VSTM2L: variants seen among roughly 807,000 people sequenced by gnomAD.
VSTM2L encodes the protein V-set and transmembrane domain-containing protein 2-like protein.
In VSTM2L, 9 loss-of-function variants were observed where a neutral mutation model predicts 19.9. The observed-to-expected ratio is 0.45, with a 90% CI of 0.27 to 0.79. The LOEUF is 0.79. Among genes scored for constraint, VSTM2L ranks in the 30% least tolerant of loss-of-function variants. The pLI is 0.15. For missense variants in VSTM2L, 286 were observed against 295.5 expected, an observed-to-expected ratio of 0.97 and a Z score of 0.24; for synonymous variants, 127 against 133.8, an observed-to-expected ratio of 0.95 and a Z score of 0.35.
chr20:37,907,407 G>A (rs2072756945), intron 1 of VSTM2L, among the ~76,000 whole-genome samples: 1 of 152,192 alleles, frequency 6.6e-6, no homozygotes, highest in South Asian at 2.1e-4. Flanking sequence ...GCATCTAGTG[G>A]AATCTGCATT....
intron 1 of VSTM2L, among the ~76,000 whole-genome samples, chr20:37,918,337 C>T (rs1045170499): frequency 2.0e-5 from 3 of 152,194 alleles, no homozygotes; most frequent in Non-Finnish European, 4.4e-5. Context: ...GCAGGACCTG[C>T]GTCCCAAGCC....
Position 37,944,153 on chromosome 20 carries a change from A to C in VSTM2L, c.515A>C (p.His172Pro). 1 of 1,593,696 alleles carries C rather than the reference A, an allele frequency of 6.3e-7. No homozygotes were observed. The highest frequency in any genetic ancestry group is 8.6e-7 in the Non-Finnish European group (1 of 1,169,486). Residue 172 changes from histidine to proline, a missense_variant, in exon 4 of 4, where the codon CAT becomes CCT. Coordinates refer to ENST00000373461, the MANE Select transcript of VSTM2L (RefSeq NM_080607.3). ...RVQPGENSVL[H>P]LPEAPPAAPA... is the part of the protein sequence containing the mutation. ...CAGCCAGGGGAGAACTCCGTCCTGC[A>C]TCTGCCCGAAGCCCCTCCCGCCGCG... is the stretch of plus-strand genomic sequence containing the variant.
intron 1 of VSTM2L, among the ~76,000 whole-genome samples, chr20:37,927,362 T>A (rs948270242): frequency 3.7e-4 from 57 of 152,352 alleles, no homozygotes; most frequent in African/African-American, 1.3e-3. Context: ...TGTTTTTTTT[T>A]ACTTTCCTTT....
intron 1 of VSTM2L, among the ~76,000 whole-genome samples, chr20:37,909,286 C>T (rs1023949777): frequency 7.9e-5 from 12 of 152,190 alleles, no homozygotes; most frequent in African/African-American, 2.7e-4. Context: ...GGCACAGGTG[C>T]CCACGTGAGA....
intron 1 of VSTM2L, among the ~76,000 whole-genome samples, chr20:37,913,827 G>A (rs979762530): frequency 5.3e-5 from 8 of 152,332 alleles, no homozygotes; most frequent in East Asian, 1.9e-4. Context: ...TCCAAGAATC[G>A]GCTCTGGAGT....
intron 1 of VSTM2L, 110 bp from the exon 2 acceptor site, chr20:37,931,521 CTCCA>C: frequency 2.5e-6 from 3 of 1,182,082 alleles, no homozygotes; most frequent in Non-Finnish European, 3.6e-6. Context: ...ACCCCACCCC[CTCCA>C]CCCATCCCCC....
chr20:37,943,908 A>AGGG, intron 3 of VSTM2L, 73 bp from the exon 4 acceptor site: 2 of 176,978 alleles, frequency 1.1e-5, no homozygotes, highest in East Asian at 1.2e-4. Context: ...CGATCTTGGG[A>AGGG]CCCCCCCCCC....
chr20:37,916,165 C>T (rs899991427), intron 1 of VSTM2L, among the ~76,000 whole-genome samples: 2 of 152,262 alleles, frequency 1.3e-5, no homozygotes, highest in Non-Finnish European at 2.9e-5. Flanking sequence ...CCGCTCCAGC[C>T]TCTCTGAGCC....
rs745434952 is a variant in VSTM2L, at chr20:37,931,650, C to T, written c.137C>T (p.Thr46Ile). The T allele has an allele frequency of 1.2e-6, 2 of 1,612,910 alleles. No individual in the cohort carries two copies. The highest frequency in any genetic ancestry group is 3.3e-5 in the Admixed American group (2 of 60,010). The change falls in exon 2 of 4, where the codon ACA (threonine) becomes ATA (isoleucine). Residue 46 changes from threonine to isoleucine, a missense_variant. Thr to Ile is a moderately conservative substitution (Grantham distance 89). Transcript: ENST00000373461. ...HVSGHALFTE[T>I]PHDMTARTGE... ...TCTTGCACAGCCCTGTTCACAGAGACACCCCATGACATGACAGCACGGACG... is the reference window on the plus strand; with the variant it reads ...TCTTGCACAGCCCTGTTCACAGAGATACCCCATGACATGACAGCACGGACG...
At position 37,940,441 on chromosome 20, in the gene VSTM2L, T is replaced by C. The variant is rs6021972; in HGVS notation, c.343-3540T>C. On this transcript the variant is annotated intron_variant, in intron 3 of 3. Coordinates refer to ENST00000373461, the MANE Select transcript of VSTM2L (RefSeq NM_080607.3). ...GATGGGCAGCAGGGAAGGCTCAGCA[T>C]GAGGGAGGAAGATCAGGCTCCCTGC... Among the ~76,000 whole-genome samples the C allele has an allele frequency of 4.6e-5, 7 of 152,206 alleles. No homozygotes were observed. In the East Asian group the frequency reaches 5.8e-4, roughly 13 times the overall value.
intron 3 of VSTM2L, 70 bp from the exon 4 acceptor site, chr20:37,943,908 ACCC>A: frequency 1.4e-4 from 25 of 176,936 alleles, no homozygotes; most frequent in Non-Finnish European, 1.9e-4. Flanking sequence ...CGATCTTGGG[ACCC>A]CCCCCCCCGA....
At chr20:37,923,549 G>C (rs1367014965) in intron 1 of VSTM2L, among the ~76,000 whole-genome samples, 1 of 152,218 alleles carries the variant, frequency 6.6e-6, no homozygotes, top group East Asian at 1.9e-4. Context: ...CAGGCCCTGA[G>C]GCTGGAGAAG....
rs79301218 is a variant in VSTM2L, at chr20:37,919,521, C to T, written c.122-12114C>T. On this transcript the variant is annotated intron_variant, in intron 1 of 3. Transcript: ENST00000373461. ...ATTTTATGTCTCCTGATTTTAGAAG[C>T]CAGCTGAGATTTACAGGCGGTTGGG... Among the ~76,000 whole-genome samples the T allele has an allele frequency of 5.9e-4, 90 of 152,348 alleles. 1 individual carries two copies. In the East Asian group the frequency reaches 0.016, roughly 27 times the overall value.
At chr20:37,905,969 A>G (rs6013414) in intron 1 of VSTM2L, among the ~76,000 whole-genome samples, 41,708 of 149,126 alleles carry the variant, frequency 0.28, 7,996 homozygotes, top group African/African-American at 0.55. Flanking sequence ...GGGCCTGATC[A>G]TTTCATTATT....
At chr20:37,912,443 C>T (rs2072785360) in intron 1 of VSTM2L, among the ~76,000 whole-genome samples, 1 of 152,148 alleles carries the variant, frequency 6.6e-6, no homozygotes, top group Admixed American at 6.5e-5. Flanking sequence ...ATGTGTGAGA[C>T]CCTGTGTGTT....
Position 37,921,837 on chromosome 20 carries a change from C to CTTTTT in VSTM2L, c.122-9798_122-9797insTTTTT, listed in dbSNP as rs1568837638. ...CTTTCTCTCTTTCTTTCTTTCTTTT[C>CTTTTT]CTTTTTTTTTTTTTTTTTTTTTTGA... On this transcript the variant is annotated intron_variant, in intron 1 of 3. Coordinates refer to ENST00000373461, the MANE Select transcript of VSTM2L (RefSeq NM_080607.3). 3.4e-3 allele frequency among the ~76,000 whole-genome samples: 431 copies of CTTTTT among 126,434 alleles called. 3 individuals are homozygous for CTTTTT. Among genetic ancestry groups the CTTTTT allele is most frequent in the African/African-American group, 0.015 (407 of 27,872 alleles). The allele number at this position is 126,434 out of a possible 152,430, so 82.9% of individuals were successfully genotyped here.
At position 37,915,410 on chromosome 20, in the gene VSTM2L, T is replaced by C. The variant is rs2072812768; in HGVS notation, c.121+11939T>C. On this transcript the variant is annotated intron_variant, in intron 1 of 3. Coordinates refer to ENST00000373461, the MANE Select transcript of VSTM2L (RefSeq NM_080607.3). ...AGCCATGAATTCTCTGGTTCTAGAATAGCCCTAGGGTTTAATAAGTCCAAG... is the reference window on the plus strand; with the variant it reads ...AGCCATGAATTCTCTGGTTCTAGAACAGCCCTAGGGTTTAATAAGTCCAAG... Among the ~76,000 whole-genome samples the C allele has an allele frequency of 2.0e-5, 3 of 151,906 alleles. No individual in the cohort carries two copies. In the South Asian group the frequency reaches 6.2e-4, roughly 32 times the overall value.
chr20:37,904,941 C>T (rs531909243), intron 1 of VSTM2L, among the ~76,000 whole-genome samples: 86 of 152,236 alleles, frequency 5.6e-4, no homozygotes, highest in African/African-American at 1.9e-3. Flanking sequence ...TCATTTCTAC[C>T]GACCTGGCTA....
At chr20:37,939,666 G>A (rs1178382586) in intron 3 of VSTM2L, among the ~76,000 whole-genome samples, 1 of 152,116 alleles carries the variant, frequency 6.6e-6, no homozygotes, top group Non-Finnish European at 1.5e-5. Flanking sequence ...AAGTTCACTC[G>A]CTGAGTTGCT....
Sources: gnomAD v4.1 joint callset for allele counts (sites outside exome capture counted in the v4.1 genomes callset) on GRCh38, gnomAD v4.1.1 for gene constraint, MANE v1.5 for transcripts, NCBI Gene and HGNC (gene_info 2026-07-23, HGNC 2026-07-21) for gene names.